The following RSPO2 variants were observed in gnomAD, a reference collection of about 807,000 sequenced individuals.
RSPO2 encodes the protein R-spondin 2.
A neutral mutation model predicts 30.9 loss-of-function variants in RSPO2; 14 were observed. The observed-to-expected ratio is 0.45, with a 90% CI of 0.30 to 0.71. The LOEUF is 0.71. Ranked by LOEUF, RSPO2 falls within the 30% of genes least tolerant of loss-of-function variation. The pLI, the probability that RSPO2 is intolerant of heterozygous loss-of-function variation, is 0.08. For synonymous variants in RSPO2, 107 were observed against 96.4 expected, an observed-to-expected ratio of 1.11 and a Z score of -0.64; for missense variants, 264 against 301.9, an observed-to-expected ratio of 0.87 and a Z score of 0.93.
At chr8:108,018,943 T>TG (rs1421341760) in intron 2 of RSPO2, among the ~76,000 whole-genome samples, 1 of 152,244 alleles carries the variant, frequency 6.6e-6, no homozygotes, top group Non-Finnish European at 1.5e-5. Flanking sequence ...TTTTAAAACC[T>TG]GACTTGTAGC....
intron 3 of RSPO2, among the ~76,000 whole-genome samples, chr8:107,986,504 G>C (rs572771284): frequency 1.3e-5 from 2 of 152,240 alleles, no homozygotes; most frequent in Admixed American, 1.3e-4. Context: ...ATTAACTCCT[G>C]CCTGAGAGTA....
rs188752550 is a variant in RSPO2 at position 108,020,951 on chromosome 8, G to A, written c.95-31707C>T. On this transcript the variant is annotated intron_variant, in intron 2 of 5. Transcript: ENST00000276659. ...GTGCCCAGAGTCCACTTCAGTACTT[G>A]GTGTCAAATATAGACATTTGCTACT... is the stretch of plus-strand genomic sequence containing the variant. 4.6e-5 allele frequency among the ~76,000 whole-genome samples: 7 copies of A among 152,164 alleles called. No homozygotes were observed. The East Asian group carries it at 9.6e-4, about 21-fold the overall frequency.
intron 2 of RSPO2, among the ~76,000 whole-genome samples, chr8:108,065,035 G>T (rs181746626): frequency 6.6e-6 from 1 of 152,076 alleles, no homozygotes; most frequent in Middle Eastern, 3.4e-3. Context: ...GTGGGGAGAA[G>T]GGGGAGGGAT....
chr8:107,910,928 G>A (rs141028827), intron 5 of RSPO2, among the ~76,000 whole-genome samples: 3 of 152,104 alleles, frequency 2.0e-5, no homozygotes, highest in African/African-American at 7.2e-5. Flanking sequence ...ACAATGTAAT[G>A]TGCCATAGCA....
intron 5 of RSPO2, among the ~76,000 whole-genome samples, chr8:107,908,675 T>A (rs1189453097): frequency 6.6e-6 from 1 of 152,180 alleles, no homozygotes; most frequent in Non-Finnish European, 1.5e-5. Flanking sequence ...ATAGGTAGTC[T>A]CTTTAGTGGA....
At chr8:107,933,999 C>A (rs613502) in intron 5 of RSPO2, among the ~76,000 whole-genome samples, 1 of 151,878 alleles carries the variant, frequency 6.6e-6, no homozygotes, top group Non-Finnish European at 1.5e-5. Context: ...AGACAATTCA[C>A]AAAAAAATGA....
intron 2 of RSPO2, among the ~76,000 whole-genome samples, chr8:108,005,232 C>T (rs1331216497): frequency 1.3e-5 from 2 of 152,104 alleles, no homozygotes; most frequent in Non-Finnish European, 2.9e-5. Flanking sequence ...ACTGGTGATG[C>T]TAACTTTGAT....
intron 3 of RSPO2, among the ~76,000 whole-genome samples, chr8:107,988,633 ACT>A (rs751123324): frequency 7.9e-5 from 12 of 152,014 alleles, no homozygotes; most frequent in Non-Finnish European, 1.2e-4. Context: ...TTGAGCTTAG[ACT>A]CTTTTTTTTT....
chr8:107,978,159 A>T (rs1050781917), intron 3 of RSPO2, among the ~76,000 whole-genome samples: 2 of 152,156 alleles, frequency 1.3e-5, no homozygotes. Flanking sequence ...TGGGCATGGT[A>T]GCACATGCCT....
chr8:108,018,905 T>C (rs1414390144), intron 2 of RSPO2, among the ~76,000 whole-genome samples: 1 of 152,230 alleles, frequency 6.6e-6, no homozygotes, highest in East Asian at 1.9e-4. Flanking sequence ...GAACTGCATG[T>C]ATGTTATTGC....
intron 2 of RSPO2, among the ~76,000 whole-genome samples, chr8:108,055,736 G>C (rs1027825770): frequency 6.6e-6 from 1 of 152,040 alleles, no homozygotes; most frequent in African/African-American, 2.4e-5. Context: ...AATTTCTTGG[G>C]GATAAGGGAG....
chr8:108,082,687 A>T lies in RSPO2; in HGVS notation c.-49T>A. On this transcript the variant is annotated 5_prime_UTR_variant, in exon 2 of 6. Coordinates refer to ENST00000276659, the MANE Select transcript of RSPO2 (RefSeq NM_178565.5). ...ACGCCTCTCAAAGTCTAGGAACTGG[A>T]GGGTTCGCCCAAAGAGCCGGCGCCG... 2.0e-6 allele frequency: 3 copies of T among 1,526,206 alleles called. No homozygotes were observed. The highest frequency in any genetic ancestry group is 2.7e-6 in the Non-Finnish European group (3 of 1,103,880). 94.5% of individuals were successfully genotyped at this position (1,526,206 alleles called of 1,614,324 possible).
At chr8:108,059,699 G>T (rs202246857) in intron 2 of RSPO2, among the ~76,000 whole-genome samples, 1 of 148,878 alleles carries the variant, frequency 6.7e-6, no homozygotes, top group Non-Finnish European at 1.5e-5. Flanking sequence ...CATGTCCTTT[G>T]TAGGGACATG....
chr8:107,943,769 T>G (rs1465147564), intron 5 of RSPO2, among the ~76,000 whole-genome samples: 1 of 152,208 alleles, frequency 6.6e-6, no homozygotes, highest in Non-Finnish European at 1.5e-5. Context: ...CACTTGACAT[T>G]TGAGGCCAAA....
chr8:108,077,049 G>A (rs1563593632), intron 2 of RSPO2, among the ~76,000 whole-genome samples: 1 of 152,066 alleles, frequency 6.6e-6, no homozygotes, highest in Non-Finnish European at 1.5e-5. Flanking sequence ...AGTATGACTG[G>A]CCATTAAGAA....
intron 2 of RSPO2, among the ~76,000 whole-genome samples, chr8:108,025,654 T>C (rs1487874229): frequency 1.3e-5 from 2 of 151,986 alleles, no homozygotes; most frequent in Non-Finnish European, 1.5e-5. Flanking sequence ...GCCTCCCACA[T>C]AGCTGAGACT....
chr8:108,034,090 G>A (rs539855618), intron 2 of RSPO2, among the ~76,000 whole-genome samples: 3 of 152,236 alleles, frequency 2.0e-5, no homozygotes, highest in African/African-American at 4.8e-5. Context: ...GCATCGGATC[G>A]CTCATTCTCA....
chr8:108,030,676 G>C (rs1811392161), intron 2 of RSPO2, among the ~76,000 whole-genome samples: 2 of 152,288 alleles, frequency 1.3e-5, no homozygotes, highest in South Asian at 4.2e-4. Flanking sequence ...TATGATAAAG[G>C]TGTATCCAAG....
At chr8:107,906,358 T>TATTTTATATTTTTAGAAATAGC (rs149465704) in intron 5 of RSPO2, among the ~76,000 whole-genome samples, 1 of 149,528 alleles carries the variant, frequency 6.7e-6, no homozygotes, top group South Asian at 2.1e-4. Context: ...TTATATTTTA[T>TATTTTATATTTTTAGAAATAGC]ATTTTATATT....
Sources: gnomAD v4.1 joint callset for allele counts (sites outside exome capture counted in the v4.1 genomes callset) on GRCh38, gnomAD v4.1.1 for gene constraint, MANE v1.5 for transcripts, NCBI Gene and HGNC (gene_info 2026-07-23, HGNC 2026-07-21) for gene names.